CLIC6: variants seen among roughly 807,000 people sequenced by gnomAD.
CLIC6 encodes the protein chloride intracellular channel protein 6.
In CLIC6, 39 loss-of-function variants were observed where a neutral mutation model predicts 49.2. The ratio of observed to expected loss-of-function variants is 0.79; its 90% CI spans 0.61 to 1.04. The LOEUF (loss-of-function observed/expected upper bound fraction) is 1.04, where lower values mean the gene tolerates loss of function less well. Among genes scored for constraint, CLIC6 ranks in the 50% least tolerant of loss-of-function variants. The probability of loss-of-function intolerance (pLI) is 0.00; values close to 1 mark genes in which losing one functional copy is unlikely to be tolerated. For synonymous variants in CLIC6, 446 were observed against 433.4 expected, an observed-to-expected ratio of 1.03 and a Z score of -0.36; for missense variants, 988 against 993.1, an observed-to-expected ratio of 0.99 and a Z score of 0.07.
intron 1 of CLIC6, chr21:34,706,170 G>C (rs2056013234): frequency 1.8e-6 from 1 of 565,702 alleles, no homozygotes; most frequent in Non-Finnish European, 3.1e-6. Context: ...TCAGCTTCTG[G>C]GGCAGCCTCA....
At chr21:34,707,820 C>T in intron 2 of CLIC6, 124 bp from the exon 3 acceptor site, 1 of 963,144 alleles carries the variant, frequency 1.0e-6, no homozygotes, top group Non-Finnish European at 1.6e-6. Context: ...TTTCATAAAC[C>T]CACCATCTAC....
At chr21:34,703,116 A>T (rs1159750648) in intron 1 of CLIC6, among the ~76,000 whole-genome samples, 1 of 152,080 alleles carries the variant, frequency 6.6e-6, no homozygotes, top group Non-Finnish European at 1.5e-5. Context: ...TTCTGCAGGG[A>T]CTGGCATCCT....
intron 5 of CLIC6, among the ~76,000 whole-genome samples, chr21:34,712,876 A>T (rs536351349): frequency 6.6e-6 from 1 of 152,152 alleles, no homozygotes; most frequent in East Asian, 1.9e-4. Context: ...CCCTAACCCT[A>T]ACCCTAACCC....
rs1366823697 is a variant in CLIC6, at chr21:34,714,220, T to TAGTC, written c.1900-2100_1900-2097dup. On this transcript the variant is annotated intron_variant, in intron 5 of 5. Transcript: ENST00000349499. ...CAGAGAACCCCTTTAAATCTGAAAC[T>TAGTC]AGTCCTAAGACCAAACAGCAGTGGG... 4.6e-5 allele frequency among the ~76,000 whole-genome samples: 7 copies of TAGTC among 152,294 alleles called. No homozygotes were observed. In the East Asian group the frequency reaches 1.2e-3, roughly 25 times the overall value.
At chr21:34,694,557 T>A (rs1316202980) in intron 1 of CLIC6, among the ~76,000 whole-genome samples, 6 of 152,158 alleles carry the variant, frequency 3.9e-5, no homozygotes, top group African/African-American at 1.4e-4. Flanking sequence ...GTGTGGCACC[T>A]CCTCCTTTGC....
intron 1 of CLIC6, among the ~76,000 whole-genome samples, chr21:34,686,208 C>T (rs2145804345): frequency 6.6e-6 from 1 of 152,262 alleles, no homozygotes; most frequent in African/African-American, 2.4e-5. Context: ...TCAAGACCAG[C>T]CTGGCTAACA....
rs1179756031 is a variant in CLIC6 at position 34,709,441 on chromosome 21, G to C, written c.1802G>C (p.Ser601Thr). 1.2e-6 allele frequency: 2 copies of C among 1,613,884 alleles called. No homozygotes were observed. The highest frequency in any genetic ancestry group is 2.7e-5 in the African/African-American group (2 of 74,918). The change falls in exon 5 of 6, where the codon AGC becomes ACC. Residue 601 changes from serine (S) to threonine (T), a missense_variant. By Grantham distance (58) the Ser-to-Thr change is moderately conservative. This residue lies in a region of CLIC6 where 647 missense variants were observed against 596.9 expected (regional missense o/e 1.08). Transcript: ENST00000349499. ...CTGCCTGATGAAATAGATGCCTACAGCACCGAGGATGTCACTGTTTCTGGA... is the reference window on the plus strand; with the variant it reads ...CTGCCTGATGAAATAGATGCCTACACCACCGAGGATGTCACTGTTTCTGGA... ...SPLPDEIDAY[S>T]TEDVTVSGRK...
At chr21:34,683,199 C>G (rs1989815515) in intron 1 of CLIC6, among the ~76,000 whole-genome samples, 1 of 152,104 alleles carries the variant, frequency 6.6e-6, no homozygotes, top group Non-Finnish European at 1.5e-5. Context: ...GTAAGAATCC[C>G]TTTTCAAAAC....
chr21:34,689,722 G>T (rs547278002), intron 1 of CLIC6, among the ~76,000 whole-genome samples: 2 of 152,036 alleles, frequency 1.3e-5, no homozygotes, highest in African/African-American at 4.8e-5. Context: ...GCCCTGAGAC[G>T]CTGTGCAATG....
chr21:34,670,120 C>G lies in CLIC6; in HGVS notation c.732C>G (p.Gly244=). Residue 244 remains glycine, a synonymous_variant, in exon 1 of 6, where the codon GGC becomes GGG. Transcript: ENST00000349499. ...GPAGDSVDAE[G]RVGDSVEAGD... ...CGGGGGACAGCGTAGACGCGGAGGG[C>G]CGGGTGGGGGACAGCGTAGAGGCGG... 2.9e-6 allele frequency: 4 copies of G among 1,366,266 alleles called. No homozygotes were observed. The highest frequency in any genetic ancestry group is 3.7e-6 in the Non-Finnish European group (4 of 1,068,016). The allele number at this position is 1,366,266 out of a possible 1,614,324, so 84.6% of individuals were successfully genotyped here. A position where few individuals can be genotyped will look rare whatever the true frequency, so the allele number is the denominator to read the frequency against.
chr21:34,681,958 C>A (rs907162042), intron 1 of CLIC6, among the ~76,000 whole-genome samples: 3 of 152,186 alleles, frequency 2.0e-5, no homozygotes, highest in African/African-American at 7.2e-5. Context: ...GCTTTCTTCC[C>A]TTAACAATAT....
intron 5 of CLIC6, among the ~76,000 whole-genome samples, chr21:34,711,169 G>A (rs952659205): frequency 6.6e-6 from 1 of 152,164 alleles, no homozygotes; most frequent in Admixed American, 6.5e-5. Context: ...AGGGGAGATG[G>A]GAGAAACACC....
rs530371738 is a variant in CLIC6, at chr21:34,708,349, T to C, written c.1610+280T>C. Among the ~76,000 whole-genome samples, 5 of 152,258 alleles carry C rather than the reference T, an allele frequency of 3.3e-5. No individual in the cohort carries two copies. The South Asian group carries it at 1.0e-3, about 32-fold the overall frequency. ...ATCCTAGACACCCTGCTGGAAGCTA[T>C]GGAGTATGTGTTAGGAAGAAGTATC... On this transcript the variant is annotated intron_variant, in intron 3 of 5. Transcript: ENST00000349499.
intron 1 of CLIC6, among the ~76,000 whole-genome samples, chr21:34,677,068 G>A (rs1989686662): frequency 1.3e-5 from 2 of 152,138 alleles, no homozygotes; most frequent in South Asian, 4.1e-4. Flanking sequence ...CCCACAGGGA[G>A]ACGGTATCCA....
intron 1 of CLIC6, among the ~76,000 whole-genome samples, chr21:34,706,757 C>A (rs1475376876): frequency 6.6e-6 from 1 of 152,164 alleles, no homozygotes; most frequent in East Asian, 1.9e-4. Flanking sequence ...ATAGCTAATT[C>A]TTTTCCATTG....
At chr21:34,684,002 A>G (rs1016837404) in intron 1 of CLIC6, among the ~76,000 whole-genome samples, 4 of 151,856 alleles carry the variant, frequency 2.6e-5, no homozygotes, top group Non-Finnish European at 5.9e-5. Flanking sequence ...AGGTTTGTGG[A>G]TTTTATCCCT....
Position 34,716,311 on chromosome 21 carries a change from T to C in CLIC6, c.1900-10T>C. 6.2e-7 allele frequency: 1 copy of C among 1,609,858 alleles called. No homozygotes were observed. The highest frequency in any genetic ancestry group is 1.7e-5 in the Admixed American group (1 of 59,362). On this transcript the variant is annotated splice_polypyrimidine_tract_variant and intron_variant, in intron 5 of 5. Transcript: ENST00000349499. Reference sequence around the variant, plus strand: ...TTTCCCTTTACTGATCATTTTCTCTTCATTTTCAGATTGTGGCCAAGAAGT... The same window carrying C: ...TTTCCCTTTACTGATCATTTTCTCTCCATTTTCAGATTGTGGCCAAGAAGT...
chr21:34,698,856 C>T (rs1412825544), intron 1 of CLIC6, among the ~76,000 whole-genome samples: 6 of 152,204 alleles, frequency 3.9e-5, no homozygotes, highest in African/African-American at 1.2e-4. Context: ...TTAGGAATTC[C>T]AGCCAGAGAG....
At chr21:34,696,503 A>AG (rs72557034) in intron 1 of CLIC6, among the ~76,000 whole-genome samples, 1 of 118 alleles carries the variant, frequency 8.5e-3, no homozygotes, top group African/African-American at 0.038. Flanking sequence ...GGAATGAGAG[A>AG]AGGATCCTAG....
Sources: gnomAD v4.1 joint callset for allele counts (sites outside exome capture counted in the v4.1 genomes callset) on GRCh38, gnomAD v4.1.1 for gene constraint, gnomAD v4.1.1 regional missense constraint, MANE v1.5 for transcripts, NCBI Gene and HGNC (gene_info 2026-07-23, HGNC 2026-07-21) for gene names.